The following CAMK2A variants were observed in gnomAD, a reference collection of about 807,000 sequenced individuals.
CAMK2A encodes calcium/calmodulin-dependent protein kinase type II subunit alpha.
In CAMK2A, 7 loss-of-function variants were observed where a neutral mutation model predicts 79.2. The observed-to-expected ratio is 0.09, with a 90% CI of 0.05 to 0.17. The LOEUF (loss-of-function observed/expected upper bound fraction) is 0.17, where lower values mean the gene tolerates loss of function less well. Ranked by LOEUF, CAMK2A falls within the 10% of genes least tolerant of loss-of-function variation. The probability of loss-of-function intolerance (pLI) is 1.00; values close to 1 mark genes in which losing one functional copy is unlikely to be tolerated. For synonymous variants in CAMK2A, 242 were observed against 251.7 expected (o/e 0.96, Z 0.36); for missense variants, 214 against 646.4 (o/e 0.33, Z 7.25).
chr5:150,232,202 T>C (rs1017465781), intron 15 of CAMK2A, among the ~76,000 whole-genome samples: 1 of 152,252 alleles, frequency 6.6e-6, no homozygotes, highest in Non-Finnish European at 1.5e-5. Context: ...TTTAAATGAC[T>C]GTCCAGGTCC....
At chr5:150,225,568 T>C (rs1032372305) in intron 17 of CAMK2A, among the ~76,000 whole-genome samples, 1 of 152,156 alleles carries the variant, frequency 6.6e-6, no homozygotes, top group African/African-American at 2.4e-5. Context: ...GCCTTTACAG[T>C]TGGGCCTTAG....
At chr5:150,285,904 C>T (rs1353605959) in intron 1 of CAMK2A, among the ~76,000 whole-genome samples, 5 of 152,172 alleles carry the variant, frequency 3.3e-5, no homozygotes, top group African/African-American at 1.2e-4. Context: ...CGGAGAATGC[C>T]AATGGCTGGA....
intron 14 of CAMK2A, 145 bp downstream of exon 14, chr5:150,239,559 A>C: frequency 1.4e-6 from 1 of 733,624 alleles, no homozygotes; most frequent in East Asian, 2.6e-5. Context: ...CACAACACAC[A>C]TATTGTCACA....
chr5:150,250,061 G>A (rs990014664), intron 11 of CAMK2A, among the ~76,000 whole-genome samples, 165 bp downstream of exon 11: 2 of 152,154 alleles, frequency 1.3e-5, no homozygotes, highest in African/African-American at 2.4e-5. Context: ...GTCATTCACC[G>A]CTCACTCCCC....
At chr5:150,222,803 G>A (rs138873940) in intron 18 of CAMK2A, 90 bp from the exon 19 acceptor site, 268 of 1,513,104 alleles carry the variant, frequency 1.8e-4, no homozygotes, top group African/African-American at 1.7e-3. Flanking sequence ...GAGTCCATGC[G>A]GTCCCTGGTG....
rs768232346 is a variant in CAMK2A, at chr5:150,222,699, A to T, written c.*11T>A. On this transcript the variant is annotated 3_prime_UTR_variant, in exon 19 of 19. Transcript: ENST00000671881. ...TGCGGCACAGCAACGCAGCGACCCC[A>T]GCCTGGTCCCTCAGCTGTAAGACAC... 2 of 1,613,912 alleles carry T rather than the reference A, an allele frequency of 1.2e-6. No homozygotes were observed. Among genetic ancestry groups the T allele is most frequent in the Non-Finnish European group, 1.7e-6 (2 of 1,179,938 alleles).
intron 13 of CAMK2A, 107 bp from the exon 14 acceptor site, chr5:150,239,843 C>A: frequency 1.1e-6 from 1 of 930,276 alleles, no homozygotes; most frequent in South Asian, 1.3e-5. Flanking sequence ...GCCTCGGGGT[C>A]ATCCTCTGTA....
At chr5:150,245,554 G>C (rs550846366) in intron 12 of CAMK2A, among the ~76,000 whole-genome samples, 1 of 152,302 alleles carries the variant, frequency 6.6e-6, no homozygotes, top group African/African-American at 2.4e-5. Context: ...TGGCCAACCC[G>C]AGGTCTGGCT....
At chr5:150,222,921 T>G in intron 18 of CAMK2A, 68 bp downstream of exon 18, 1 of 1,508,054 alleles carries the variant, frequency 6.6e-7, no homozygotes, top group Admixed American at 1.7e-5. Context: ...TTCCCCGACG[T>G]AACCCCCTCC....
intron 7 of CAMK2A, 64 bp downstream of exon 7, chr5:150,253,380 A>G: frequency 7.6e-7 from 1 of 1,308,990 alleles, no homozygotes; most frequent in Non-Finnish European, 1.1e-6. Flanking sequence ...GGGTTCCCAG[A>G]GGCTTATGTG....
Position 150,221,863 on chromosome 5 carries a change from T to C in CAMK2A, c.*847A>G. 8.2e-6 allele frequency: 3 copies of C among 364,090 alleles called. No homozygotes were observed. Among genetic ancestry groups the C allele is most frequent in the Admixed American group, 4.5e-5 (1 of 22,010 alleles). The allele number at this position is 364,090 out of a possible 1,614,324, so 22.6% of individuals were successfully genotyped here. On this transcript the variant is annotated 3_prime_UTR_variant, in exon 19 of 19. Coordinates refer to ENST00000671881, the MANE Select transcript of CAMK2A (RefSeq NM_015981.4). Reference sequence around the variant, plus strand: ...CTGAGAAGTCTAGTTATTACATAAATATCCATTAACGCGAAATCCATTTAC... The same window carrying C: ...CTGAGAAGTCTAGTTATTACATAAACATCCATTAACGCGAAATCCATTTAC...
At chr5:150,229,240 C>T (rs1028264837) in intron 16 of CAMK2A, among the ~76,000 whole-genome samples, 2 of 152,218 alleles carry the variant, frequency 1.3e-5, no homozygotes, top group Non-Finnish European at 2.9e-5. Context: ...CCCCAGACAA[C>T]TTGCTTCTCT....
rs1757584093 is a variant in CAMK2A at position 150,289,707 on chromosome 5, C to T, written c.-82G>A. 6.2e-6 allele frequency: 7 copies of T among 1,131,574 alleles called. No homozygotes were observed. The highest frequency in any genetic ancestry group is 9.2e-6 in the Non-Finnish European group (7 of 762,342). 70.1% of individuals were successfully genotyped at this position (1,131,574 alleles called of 1,614,324 possible). ...GCTGCTCTGCTCCCGAACCTAGGGA[C>T]CACTTGCCTGCCCGTGCTGCCGAGT... On this transcript the variant is annotated 5_prime_UTR_variant, in exon 1 of 19. Coordinates refer to ENST00000671881, the MANE Select transcript of CAMK2A (RefSeq NM_015981.4).
At chr5:150,249,009 C>T (rs1755708165) in intron 11 of CAMK2A, among the ~76,000 whole-genome samples, 1 of 152,204 alleles carries the variant, frequency 6.6e-6, no homozygotes, top group South Asian at 2.1e-4. Context: ...TTGAGACTTC[C>T]TCTGTGACAC....
chr5:150,241,737 C>T (rs573923201), intron 13 of CAMK2A, among the ~76,000 whole-genome samples: 16 of 150,214 alleles, frequency 1.1e-4, no homozygotes, highest in Non-Finnish European at 1.9e-4. Context: ...TCTCTCCTCT[C>T]CTCCCCTCCC....
In CAMK2A at chr5:150,260,214, T is replaced by C. The variant is rs549037637; in HGVS notation, c.218-2597A>G. Among the ~76,000 whole-genome samples, 6 of 152,180 alleles carry C rather than the reference T, an allele frequency of 3.9e-5. No individual in the cohort carries two copies. The South Asian group carries it at 1.2e-3, about 32-fold the overall frequency. On this transcript the variant is annotated intron_variant, in intron 3 of 18. Coordinates refer to ENST00000671881, the MANE Select transcript of CAMK2A (RefSeq NM_015981.4). ...GCTCACGACTGTAATCCCAGCACTT[T>C]GGGAGGCTGAGGCGGGTGGAACACG...
At chr5:150,258,296 G>A (rs927250531) in intron 3 of CAMK2A, among the ~76,000 whole-genome samples, 2 of 152,234 alleles carry the variant, frequency 1.3e-5, no homozygotes, top group African/African-American at 4.8e-5. Flanking sequence ...GGAAGGGCCT[G>A]AGTCCTGGGG....
chr5:150,270,898 C>T (rs1756721446), intron 2 of CAMK2A, among the ~76,000 whole-genome samples: 1 of 152,212 alleles, frequency 6.6e-6, no homozygotes, highest in Non-Finnish European at 1.5e-5. Flanking sequence ...GGCCCTTCCA[C>T]CCTCCCATAC....
At chr5:150,283,108 C>G (rs1172789682) in intron 1 of CAMK2A, among the ~76,000 whole-genome samples, 2 of 152,240 alleles carry the variant, frequency 1.3e-5, no homozygotes, top group East Asian at 3.8e-4. Context: ...TGTTCTCTCA[C>G]TTGATTCAGC....
Sources: allele counts gnomAD v4.1 joint callset (sites outside exome capture counted in the v4.1 genomes callset), GRCh38; gene constraint gnomAD v4.1.1; transcripts MANE v1.5; gene names NCBI Gene and HGNC (gene_info 2026-07-23, HGNC 2026-07-21).